Variants in TOGARAM1 observed in about 807,000 individuals in gnomAD.
The protein encoded by TOGARAM1 is TOG array regulator of axonemal microtubules protein 1.
TOGARAM1 carries 100 observed loss-of-function variants against 166.6 expected under a neutral mutation model. That is an observed-to-expected ratio of 0.60 (90% CI 0.51 to 0.71). The LOEUF (loss-of-function observed/expected upper bound fraction) is 0.71. TOGARAM1 is among the 30% of genes least tolerant of loss of function. The pLI is 0.00. For synonymous variants in TOGARAM1, 758 were observed against 763.8 expected (o/e 0.99, Z 0.13); for missense variants, 2,029 against 2,102.7 (o/e 0.96, Z 0.69).
chr14:44,998,212 A>T (rs1426319638), intron 2 of TOGARAM1, among the ~76,000 whole-genome samples: 1 of 152,208 alleles, frequency 6.6e-6, no homozygotes, highest in Non-Finnish European at 1.5e-5. Flanking sequence ...TGTTTGTGGC[A>T]GTTTTGATTT....
intron 1 of TOGARAM1, among the ~76,000 whole-genome samples, chr14:44,984,333 C>T (rs1886676929): frequency 2.0e-5 from 3 of 151,764 alleles, no homozygotes; most frequent in Non-Finnish European, 2.9e-5. Flanking sequence ...TTTGTGAACT[C>T]ACCATTTCTG....
chr14:45,011,253 G>A (rs1035240134), intron 6 of TOGARAM1, among the ~76,000 whole-genome samples: 1 of 152,124 alleles, frequency 6.6e-6, no homozygotes, highest in African/African-American at 2.4e-5. Flanking sequence ...CTGTATTTTT[G>A]TGTTATCATA....
intron 1 of TOGARAM1, among the ~76,000 whole-genome samples, chr14:44,992,096 A>C (rs1887171244): frequency 1.3e-5 from 2 of 149,280 alleles, no homozygotes; most frequent in Non-Finnish European, 3.0e-5. Flanking sequence ...AAAAAAAAAA[A>C]AAAAACCAAA....
intron 1 of TOGARAM1, among the ~76,000 whole-genome samples, chr14:44,983,442 T>C (rs1024203155): frequency 2.0e-5 from 3 of 152,234 alleles, no homozygotes; most frequent in Non-Finnish European, 4.4e-5. Flanking sequence ...CTTAGGATCT[T>C]GTTAAAATAC....
intron 1 of TOGARAM1, among the ~76,000 whole-genome samples, chr14:44,968,726 A>G (rs1440428654): frequency 1.3e-5 from 2 of 152,232 alleles, no homozygotes; most frequent in African/African-American, 4.8e-5. Context: ...CCCAAGGCCC[A>G]TAGTTTACAT....
At chr14:45,019,780 G>A (rs111467718) in intron 7 of TOGARAM1, among the ~76,000 whole-genome samples, 1 of 152,262 alleles carries the variant, frequency 6.6e-6, no homozygotes, top group African/African-American at 2.4e-5. Context: ...ACTCGCTGTC[G>A]GCCTAGGAAA....
intron 7 of TOGARAM1, among the ~76,000 whole-genome samples, chr14:45,021,061 G>A (rs1880470319): frequency 6.6e-6 from 1 of 152,150 alleles, no homozygotes; most frequent in Non-Finnish European, 1.5e-5. Flanking sequence ...CTAGTCCTTT[G>A]TAGGGGTTAG....
rs150288120 is a variant in TOGARAM1, at chr14:45,071,785, G to A, written c.5043G>A (p.Thr1681=). ...ATGGAAAAGCAAAACAGGACATGAC[G>A]GAAAAGCTTGCTGGTAAATACTTTG... The part of the protein sequence containing the change: ...FLNGKAKQDM[T]EKLADIVTEL... Residue 1681 remains threonine, a synonymous_variant, in exon 19 of 20, where the codon ACG becomes ACA. Coordinates refer to ENST00000361462, the MANE Select transcript of TOGARAM1 (RefSeq NM_001308120.2). 2,402 of 1,609,824 alleles carry A rather than the reference G, an allele frequency of 1.5e-3. 10 individuals carry two copies. The highest frequency in any genetic ancestry group is 1.2e-3 in the Non-Finnish European group (1,427 of 1,178,404).
chr14:44,980,758 T>C (rs879765086), intron 1 of TOGARAM1, among the ~76,000 whole-genome samples: 10 of 152,202 alleles, frequency 6.6e-5, no homozygotes, highest in Admixed American at 6.5e-4. Context: ...TTGAATACCA[T>C]GCTAAGGAAT....
chr14:44,978,831 G>T (rs1886362466), intron 1 of TOGARAM1, among the ~76,000 whole-genome samples: 1 of 150,424 alleles, frequency 6.6e-6, no homozygotes, highest in Admixed American at 6.6e-5. Context: ...AAAAAAAGAA[G>T]AAGAAGATCA....
intron 1 of TOGARAM1, among the ~76,000 whole-genome samples, chr14:44,974,721 T>G (rs1276428739): frequency 6.6e-6 from 1 of 152,000 alleles, no homozygotes; most frequent in Non-Finnish European, 1.5e-5. Context: ...TATCTTAGCA[T>G]TTTAAAAAAG....
chr14:44,974,380 A>ATTATC (rs1886066696), intron 1 of TOGARAM1, among the ~76,000 whole-genome samples: 1 of 151,912 alleles, frequency 6.6e-6, no homozygotes, highest in South Asian at 2.1e-4. Flanking sequence ...ACGCTTCATG[A>ATTATC]CTTATATTAT....
intron 1 of TOGARAM1, among the ~76,000 whole-genome samples, chr14:44,969,017 C>T (rs1219648571): frequency 6.6e-6 from 1 of 152,106 alleles, no homozygotes; most frequent in Non-Finnish European, 1.5e-5. Context: ...TATACAGTAG[C>T]TTGCATTTTC....
intron 14 of TOGARAM1, among the ~76,000 whole-genome samples, chr14:45,048,344 T>A: frequency 6.6e-6 from 1 of 151,396 alleles, no homozygotes; most frequent in African/African-American, 2.4e-5. Context: ...AAAGGATAAT[T>A]TTTTAAAAGA....
At position 45,068,529 on chromosome 14, in the gene TOGARAM1, T is replaced by C. The variant is rs1215759804; in HGVS notation, c.4855T>C (p.Ser1619Pro). The change falls in exon 18 of 20, where the codon TCT (serine) becomes CCT (proline). Residue 1619 changes from serine (S) to proline (P), a missense_variant. Ser to Pro is a moderately conservative substitution (Grantham distance 74, BLOSUM62 -1). Coordinates refer to ENST00000361462, the MANE Select transcript of TOGARAM1 (RefSeq NM_001308120.2). ...KMIPLLRDHL[S>P]PIINMLIPAI... is the part of the protein sequence containing the mutation. ...GATTCCTCTACTTAGAGACCACTTA[T>C]CTCCTATAATCAACATGCTAATTCC... 1 of 1,613,592 alleles carries C rather than the reference T, an allele frequency of 6.2e-7. No individual in the cohort carries two copies.
At chr14:44,971,268 T>C (rs1885870977) in intron 1 of TOGARAM1, among the ~76,000 whole-genome samples, 1 of 152,204 alleles carries the variant, frequency 6.6e-6, no homozygotes, top group South Asian at 2.1e-4. Flanking sequence ...CATATCTTCT[T>C]GTGTGTGTTT....
intron 14 of TOGARAM1, among the ~76,000 whole-genome samples, chr14:45,047,272 A>G (rs1195878522): frequency 6.6e-6 from 1 of 151,800 alleles, no homozygotes; most frequent in Non-Finnish European, 1.5e-5. Flanking sequence ...GGCGCCTGTA[A>G]TCTCAGCTAC....
intron 1 of TOGARAM1, among the ~76,000 whole-genome samples, chr14:44,984,008 T>C (rs1886663596): frequency 6.6e-6 from 1 of 152,182 alleles, no homozygotes; most frequent in Admixed American, 6.5e-5. Flanking sequence ...GCATGAATAG[T>C]GGGTAAACTA....
In TOGARAM1 at chr14:44,976,555, C is replaced by A. The variant is rs144839266; in HGVS notation, c.2046+12088C>A. Among the ~76,000 whole-genome samples, 24 of 152,250 alleles carry A rather than the reference C, an allele frequency of 1.6e-4. No homozygotes were observed. In the East Asian group the frequency reaches 4.4e-3, roughly 28 times the overall value. On this transcript the variant is annotated intron_variant, in intron 1 of 19. Coordinates refer to ENST00000361462, the MANE Select transcript of TOGARAM1 (RefSeq NM_001308120.2). ...TATCTTTAGCACAGTGCTTGGCACACAGGAGGCACTTGAAGATGTTTGTTC... is the reference window on the plus strand; with the variant it reads ...TATCTTTAGCACAGTGCTTGGCACAAAGGAGGCACTTGAAGATGTTTGTTC...
Sources: gnomAD v4.1 joint callset for allele counts (sites outside exome capture counted in the v4.1 genomes callset) on GRCh38, gnomAD v4.1.1 for gene constraint, MANE v1.5 for transcripts, NCBI Gene and HGNC (gene_info 2026-07-23, HGNC 2026-07-21) for gene names.